Variants in ANKRD12 observed in about 807,000 individuals in gnomAD.
The protein encoded by ANKRD12 is ankyrin repeat domain 12.
In ANKRD12, 85 loss-of-function variants were observed where a neutral mutation model predicts 183.4. The observed-to-expected ratio is 0.46, with a 90% CI of 0.39 to 0.56. ANKRD12 has a LOEUF of 0.56. Ranked by LOEUF, ANKRD12 falls within the 20% of genes least tolerant of loss-of-function variation. The pLI, the probability that ANKRD12 is intolerant of heterozygous loss-of-function variation, is 0.00. For missense variants in ANKRD12, 2,405 were observed against 2,357.1 expected (o/e 1.02, Z -0.42); for synonymous variants, 914 against 800.2 (o/e 1.14, Z -2.40).
Position 9,257,930 on chromosome 18 carries a change from C to A in ANKRD12, c.4663C>A (p.Gln1555Lys), listed in dbSNP as rs2038735390. Reference protein sequence around the residue: ...TENTFVLGDVQKTDAFVPVYS... With the variant: ...TENTFVLGDVKKTDAFVPVYS... ...AAATACTTTTGTCCTAGGAGATGTT[C>A]AAAAAACAGATGCCTTTGTCCCAGT... The change falls in exon 9 of 13, where the codon CAA (glutamine) becomes AAA (lysine). Residue 1555 changes from glutamine to lysine, a missense_variant. By Grantham distance (53) the Gln-to-Lys change is moderately conservative (BLOSUM62 1). Transcript: ENST00000262126. The A allele has an allele frequency of 6.2e-7, 1 of 1,613,788 alleles. No homozygotes were observed. The highest frequency in any genetic ancestry group is 1.1e-5 in the South Asian group (1 of 91,024).
chr18:9,280,398 C>G (rs775815711), intron 12 of ANKRD12, among the ~76,000 whole-genome samples: 1 of 152,114 alleles, frequency 6.6e-6, no homozygotes, highest in Non-Finnish European at 1.5e-5. Flanking sequence ...GGTACCAGTC[C>G]GTGACCCGGG....
intron 7 of ANKRD12, among the ~76,000 whole-genome samples, chr18:9,218,723 G>A (rs1422846081): frequency 3.3e-5 from 5 of 149,696 alleles, no homozygotes; most frequent in Admixed American, 3.3e-4. Context: ...ACACTAGAGT[G>A]TAGTGGTGCA....
intron 2 of ANKRD12, among the ~76,000 whole-genome samples, chr18:9,183,974 T>C (rs1450927348): frequency 6.6e-6 from 1 of 152,196 alleles, no homozygotes; most frequent in Admixed American, 6.5e-5. Context: ...ATGTATTATC[T>C]TAGATGTTGA....
rs2034737204 is a variant in ANKRD12 at position 9,195,596 on chromosome 18, C to T, written c.133C>T (p.Arg45Ter). Residue 45 changes from arginine (R) to a stop codon, truncating the protein, a stop_gained, in exon 3 of 13, where the codon CGA becomes TGA. Coordinates refer to ENST00000262126, the MANE Select transcript of ANKRD12 (RefSeq NM_015208.5). LOFTEE classifies it high-confidence loss of function. ...ASYSKTPKIERSDVSKEMKEK... is the reference protein window; with the variant it reads ...ASYSKTPKIE Reference sequence around the variant, plus strand: ...CTACAGCAAAACTCCAAAAATTGAACGAAGTGATGTGAGCAAGGAGATGAA... The same window carrying T: ...CTACAGCAAAACTCCAAAAATTGAATGAAGTGATGTGAGCAAGGAGATGAA... 2 of 1,610,206 alleles carry T rather than the reference C, an allele frequency of 1.2e-6. No individual in the cohort carries two copies. Among genetic ancestry groups the T allele is most frequent in the Non-Finnish European group, 8.5e-7 (1 of 1,178,238 alleles).
intron 1 of ANKRD12, among the ~76,000 whole-genome samples, chr18:9,174,999 G>A (rs2033131674): frequency 6.6e-6 from 1 of 151,780 alleles, no homozygotes; most frequent in Non-Finnish European, 1.5e-5. Context: ...TTGTTGCCCG[G>A]GCTGGAGTGC....
At position 9,255,185 on chromosome 18, in the gene ANKRD12, C is replaced by T; in HGVS notation, c.1918C>T (p.Leu640=). ...AACATTTGAAAATTCAGATTGCACA[C>T]TGAAAAAAATGGATAAAGAAGGTAA... ...SPTFENSDCT[L]KKMDKEGKTL... Residue 640 remains leucine, a synonymous_variant, in exon 9 of 13, where the codon CTG becomes TTG. Coordinates refer to ENST00000262126, the MANE Select transcript of ANKRD12 (RefSeq NM_015208.5). The T allele has an allele frequency of 6.4e-7, 1 of 1,563,988 alleles. No individual in the cohort carries two copies. The highest frequency in any genetic ancestry group is 8.6e-7 in the Non-Finnish European group (1 of 1,161,200).
chr18:9,183,709 G>A (rs1431463164), intron 2 of ANKRD12, among the ~76,000 whole-genome samples: 4 of 151,760 alleles, frequency 2.6e-5, no homozygotes, highest in Non-Finnish European at 2.9e-5. Context: ...TTTTTTGTTT[G>A]ATTACCTTTA....
intron 1 of ANKRD12, among the ~76,000 whole-genome samples, chr18:9,171,313 C>A (rs2032706412): frequency 6.6e-6 from 1 of 152,190 alleles, no homozygotes; most frequent in South Asian, 2.1e-4. Context: ...ATTCGGCCAT[C>A]TTGGCTCCTC....
rs2038734816 is a variant in ANKRD12 at position 9,257,920 on chromosome 18, A to G, written c.4653A>G (p.Leu1551=). The change falls in exon 9 of 13, where the codon CTA becomes CTG. Residue 1551 remains leucine, a synonymous_variant. Coordinates refer to ENST00000262126, the MANE Select transcript of ANKRD12 (RefSeq NM_015208.5). The part of the protein sequence containing the change: ...STKDTENTFV[L]GDVQKTDAFV... ...AAGATACAGAAAATACTTTTGTCCT[A>G]GGAGATGTTCAAAAAACAGATGCCT... 1.9e-6 allele frequency: 3 copies of G among 1,614,014 alleles called. No homozygotes were observed. Among genetic ancestry groups the G allele is most frequent in the Non-Finnish European group, 8.5e-7 (1 of 1,179,964 alleles).
At chr18:9,247,290 G>T (rs1343492208) in intron 8 of ANKRD12, among the ~76,000 whole-genome samples, 2 of 150,242 alleles carry the variant, frequency 1.3e-5, no homozygotes, top group Non-Finnish European at 3.0e-5. Flanking sequence ...ACTAACCTGG[G>T]CAACAGCCAA....
chr18:9,239,486 T>C, intron 8 of ANKRD12: 1 of 1,281,460 alleles, frequency 7.8e-7, no homozygotes, highest in Non-Finnish European at 1.0e-6. Context: ...GAATATTTAT[T>C]TTCCACATGG....
intron 2 of ANKRD12, among the ~76,000 whole-genome samples, chr18:9,189,661 C>T (rs1051899287): frequency 1.4e-4 from 22 of 152,284 alleles, no homozygotes; most frequent in Admixed American, 1.3e-3. Flanking sequence ...ATAAGAATTA[C>T]GTGAAATTTA....
At chr18:9,210,301 C>T (rs2035719133) in intron 5 of ANKRD12, among the ~76,000 whole-genome samples, 1 of 151,874 alleles carries the variant, frequency 6.6e-6, no homozygotes, top group African/African-American at 2.4e-5. Context: ...TCTTGAATAC[C>T]GCTGTGGTAT....
At chr18:9,194,026 A>G (rs1033478018) in intron 2 of ANKRD12, among the ~76,000 whole-genome samples, 3 of 152,202 alleles carry the variant, frequency 2.0e-5, no homozygotes, top group African/African-American at 7.2e-5. Context: ...TTATAAATCC[A>G]TTTCTGGTTT....
At chr18:9,240,721 T>C (rs2144992485) in intron 8 of ANKRD12, among the ~76,000 whole-genome samples, 1 of 152,282 alleles carries the variant, frequency 6.6e-6, no homozygotes, top group South Asian at 2.1e-4. Context: ...ATACTTCAAC[T>C]TAATCAAGAA....
In ANKRD12 at chr18:9,257,605, C is replaced by G. The variant is rs150466710; in HGVS notation, c.4338C>G (p.Ser1446=). 2.4e-5 allele frequency: 38 copies of G among 1,613,920 alleles called. No homozygotes were observed. The African/African-American group carries it at 4.7e-4, about 20-fold the overall frequency. Reference sequence around the variant, plus strand: ...ATTCTAACATACCTGATCAAGAATCCTCTCTTCAGAGTTTTTGTAATTCTG... The same window carrying G: ...ATTCTAACATACCTGATCAAGAATCGTCTCTTCAGAGTTTTTGTAATTCTG... ...CPNSNIPDQE[S]SLQSFCNSEN... Residue 1446 remains serine, a synonymous_variant, in exon 9 of 13, where the codon TCC becomes TCG. Transcript: ENST00000262126.
At position 9,258,594 on chromosome 18, in the gene ANKRD12, A is replaced by G. The variant is rs76591416; in HGVS notation, c.5327A>G (p.Asp1776Gly). ...SPRGRIRLTE[D>G]DDPQIHHPRK... ...AGAGGAAGAATAAGATTAACTGAAG[A>G]TGACGATCCTCAAATTCACCATCCA... Residue 1776 changes from aspartate (D) to glycine (G), a missense_variant, in exon 9 of 13, where the codon GAT becomes GGT. Asp to Gly is a moderately conservative substitution (Grantham distance 94). Coordinates refer to ENST00000262126, the MANE Select transcript of ANKRD12 (RefSeq NM_015208.5). 17 of 1,613,918 alleles carry G rather than the reference A, an allele frequency of 1.1e-5. No homozygotes were observed. The highest frequency in any genetic ancestry group is 1.4e-5 in the Non-Finnish European group (17 of 1,179,898).
chr18:9,141,496 A>T (rs986838633), intron 1 of ANKRD12, among the ~76,000 whole-genome samples: 2 of 152,242 alleles, frequency 1.3e-5, no homozygotes, highest in African/African-American at 4.8e-5. Flanking sequence ...TTTTCTGATT[A>T]GTGCGATCCT....
In ANKRD12 at chr18:9,285,170, C is replaced by A. The variant is rs1399001466; in HGVS notation, c.*4044C>A. Reference sequence around the variant, plus strand: ...CTTGCAGTGAGCCGAGATCGTGCCACTGCACTCCAGCCTGGGCGACAGAGC... The same window carrying A: ...CTTGCAGTGAGCCGAGATCGTGCCAATGCACTCCAGCCTGGGCGACAGAGC... On this transcript the variant is annotated 3_prime_UTR_variant, in exon 13 of 13. Transcript: ENST00000262126. 1 of 150,624 alleles carries A rather than the reference C, an allele frequency of 6.6e-6. No individual in the cohort carries two copies. The highest frequency in any genetic ancestry group is 1.5e-5 in the Non-Finnish European group (1 of 67,802). The allele number at this position is 150,624 out of a possible 1,614,324, so 9.3% of individuals were successfully genotyped here. A position where few individuals can be genotyped will look rare whatever the true frequency, so the allele number is the denominator to read the frequency against.
Sources: allele counts gnomAD v4.1 joint callset (sites outside exome capture counted in the v4.1 genomes callset), GRCh38; gene constraint gnomAD v4.1.1; transcripts MANE v1.5; gene names NCBI Gene and HGNC (gene_info 2026-07-23, HGNC 2026-07-21).